WWOX: variants seen among roughly 807,000 people sequenced by gnomAD.
The protein encoded by WWOX is WW domain-containing oxidoreductase.
In WWOX, 69 loss-of-function variants were observed where a neutral mutation model predicts 46.2. That is an observed-to-expected ratio of 1.49 (90% CI 1.23 to 1.82). WWOX has a LOEUF of 1.82. WWOX is among the 40% of genes most tolerant of loss of function. The pLI, the probability that WWOX is intolerant of heterozygous loss-of-function variation, is 0.00. For synonymous variants in WWOX, 359 were observed against 202.6 expected, an observed-to-expected ratio of 1.77 and a Z score of -6.56; for missense variants, 919 against 542.6, an observed-to-expected ratio of 1.69 and a Z score of -6.89.
At chr16:78,125,193 A>T (rs1323659376) in intron 4 of WWOX, among the ~76,000 whole-genome samples, 1 of 152,190 alleles carries the variant, frequency 6.6e-6, no homozygotes, top group African/African-American at 2.4e-5. Context: ...GTCATATTTA[A>T]TTCTCAGCAC....
At chr16:78,528,035 G>A (rs1419431258) in intron 8 of WWOX, among the ~76,000 whole-genome samples, 55 of 85,836 alleles carry the variant, frequency 6.4e-4, no homozygotes, top group Middle Eastern at 0.015. Context: ...GTCTTGCTCT[G>A]TCGCCCAGGC....
At chr16:78,443,503 G>A (rs1045533192) in intron 8 of WWOX, among the ~76,000 whole-genome samples, 5 of 152,238 alleles carry the variant, frequency 3.3e-5, no homozygotes, top group East Asian at 1.9e-4. Flanking sequence ...CAAAGAGAGG[G>A]AAACTAGATC....
chr16:78,909,022 A>G (rs2045040076), intron 8 of WWOX, among the ~76,000 whole-genome samples: 1 of 152,216 alleles, frequency 6.6e-6, no homozygotes, highest in African/African-American at 2.4e-5. Flanking sequence ...ATTTTGGGAA[A>G]GGGCTGTTAT....
At chr16:78,707,228 T>G (rs989665963) in intron 8 of WWOX, among the ~76,000 whole-genome samples, 38 of 152,312 alleles carry the variant, frequency 2.5e-4, no homozygotes, top group Admixed American at 1.9e-3. Context: ...CATCAGTCTT[T>G]TGGGAATAAA....
intron 8 of WWOX, among the ~76,000 whole-genome samples, chr16:78,457,833 C>G (rs62034104): frequency 0.23 from 35,036 of 149,662 alleles, 4,376 homozygotes; most frequent in African/African-American, 0.33. Context: ...GGAGAATGGC[C>G]TGATCCCGGG....
intron 8 of WWOX, among the ~76,000 whole-genome samples, chr16:78,702,029 A>T (rs1261236968): frequency 8.2e-6 from 1 of 122,354 alleles, no homozygotes; most frequent in Non-Finnish European, 1.6e-5. Flanking sequence ...ATATATATAT[A>T]TATATATATA....
rs139798077 is a variant in WWOX at position 78,565,376 on chromosome 16, C to G, written c.1056+132624C>G. Among the ~76,000 whole-genome samples, 5 of 152,282 alleles carry G rather than the reference C, an allele frequency of 3.3e-5. No individual in the cohort carries two copies. The South Asian group carries it at 6.2e-4, about 19-fold the overall frequency. On this transcript the variant is annotated intron_variant, in intron 8 of 8. Coordinates refer to ENST00000566780, the MANE Select transcript of WWOX (RefSeq NM_016373.4). ...CTCTAGGGGAGAATCTGTTTCCTTG[C>G]GTTTTTCATCTTCTAGAGGCCTCCT...
chr16:78,543,179 A>T (rs1446238377), intron 8 of WWOX, among the ~76,000 whole-genome samples: 1 of 152,200 alleles, frequency 6.6e-6, no homozygotes, highest in Non-Finnish European at 1.5e-5. Flanking sequence ...CACAGCTGCT[A>T]CATCTGGCAC....
intron 8 of WWOX, among the ~76,000 whole-genome samples, chr16:78,887,659 C>T (rs1012697643): frequency 6.6e-6 from 1 of 152,110 alleles, no homozygotes; most frequent in African/African-American, 2.4e-5. Flanking sequence ...TATGTGGATT[C>T]CATAAAATAG....
At chr16:79,012,519 G>T (rs777343973) in intron 8 of WWOX, among the ~76,000 whole-genome samples, 38 of 152,176 alleles carry the variant, frequency 2.5e-4, no homozygotes, top group Non-Finnish European at 4.6e-4. Flanking sequence ...ACAGACAAGA[G>T]CCACTGCGCA....
intron 8 of WWOX, among the ~76,000 whole-genome samples, chr16:78,658,994 A>G (rs905509086): frequency 3.4e-5 from 5 of 146,474 alleles, no homozygotes; most frequent in South Asian, 2.2e-4. Flanking sequence ...TGGGAGGCTG[A>G]GGCAGAAGAA....
chr16:79,126,975 C>T (rs1567568040), intron 8 of WWOX, among the ~76,000 whole-genome samples: 1 of 151,646 alleles, frequency 6.6e-6, no homozygotes, highest in East Asian at 1.9e-4. Flanking sequence ...AAAATAGGTG[C>T]CTGGCTTATG....
Position 78,742,862 on chromosome 16 carries a change from C to T in WWOX, c.1056+310110C>T, listed in dbSNP as rs572139636. Among the ~76,000 whole-genome samples the T allele has an allele frequency of 9.9e-5, 15 of 152,226 alleles. No homozygotes were observed. In the South Asian group the frequency reaches 1.0e-3, roughly 11 times the overall value. On this transcript the variant is annotated intron_variant, in intron 8 of 8. Transcript: ENST00000566780. ...CCATTGCGAGTCTCATGGTCAGAGC[C>T]GGGGGCTTCCCAGTGTAGGGTCTGG...
chr16:78,325,741 G>C (rs1298840938), intron 5 of WWOX, among the ~76,000 whole-genome samples: 1 of 152,232 alleles, frequency 6.6e-6, no homozygotes, highest in Non-Finnish European at 1.5e-5. Context: ...CTGAGTGACT[G>C]CTGATATATT....
At chr16:78,687,860 G>C (rs2047898082) in intron 8 of WWOX, among the ~76,000 whole-genome samples, 1 of 152,046 alleles carries the variant, frequency 6.6e-6, no homozygotes, top group Non-Finnish European at 1.5e-5. Context: ...TCATGCATTA[G>C]AACAGATTAA....
intron 8 of WWOX, among the ~76,000 whole-genome samples, chr16:78,846,763 T>C (rs893702845): frequency 1.3e-5 from 2 of 152,212 alleles, no homozygotes; most frequent in Admixed American, 1.3e-4. Context: ...TTTCATCCAT[T>C]AATTTTAGCA....
At chr16:78,100,206 C>G in intron 1 of WWOX, 1 of 1,186,132 alleles carries the variant, frequency 8.4e-7, no homozygotes, top group Non-Finnish European at 1.1e-6. Context: ...CGCACATGCT[C>G]AGCTCCCTCC....
At position 78,424,874 on chromosome 16, in the gene WWOX, C is replaced by T; in HGVS notation, c.610C>T (p.Leu204Phe). The change falls in exon 7 of 9, where the codon CTT becomes TTT. Residue 204 changes from leucine to phenylalanine, a missense_variant. Coordinates refer to ENST00000566780, the MANE Select transcript of WWOX (RefSeq NM_016373.4). ...AEAFKAKNVPLHVLVCNAATF... is the reference protein window; with the variant it reads ...AEAFKAKNVPFHVLVCNAATF... ...ATGGGATATTTTATTTTTCAGGCCT[C>T]TTCATGTGCTTGTGTGCAACGCAGC... The T allele has an allele frequency of 1.2e-6, 2 of 1,614,124 alleles. No individual in the cohort carries two copies.
At chr16:78,736,567 C>G (rs985601988) in intron 8 of WWOX, among the ~76,000 whole-genome samples, 1 of 150,616 alleles carries the variant, frequency 6.6e-6, no homozygotes, top group East Asian at 1.9e-4. Flanking sequence ...TTCTTCTCTT[C>G]TCTTTCTTTC....
Sources: gnomAD v4.1 joint callset for allele counts (sites outside exome capture counted in the v4.1 genomes callset) on GRCh38, gnomAD v4.1.1 for gene constraint, MANE v1.5 for transcripts, NCBI Gene and HGNC (gene_info 2026-07-23, HGNC 2026-07-21) for gene names.